The following HECW1 variants were observed in gnomAD, a reference collection of about 807,000 sequenced individuals.
HECW1 encodes the protein E3 ubiquitin-protein ligase HECW1.
Under a neutral mutation model 182.3 loss-of-function variants are expected in HECW1, and 61 were observed. The observed-to-expected ratio is 0.33, with a 90% confidence interval of 0.27 to 0.41. HECW1 has a LOEUF of 0.41. Among genes scored for constraint, HECW1 ranks in the 10% least tolerant of loss-of-function variants. The pLI is 1.00. For missense variants in HECW1, 1,739 were observed against 2,108.9 expected (o/e 0.82, Z 3.44); for synonymous variants, 859 against 832.6 (o/e 1.03, Z -0.55).
chr7:43,459,115 A>G (rs6974565), intron 13 of HECW1, among the ~76,000 whole-genome samples: 87,359 of 151,942 alleles, frequency 0.57, 25,605 homozygotes, highest in South Asian at 0.72. Context: ...AACATATCTC[A>G]TCCTACAGAC....
intron 3 of HECW1, among the ~76,000 whole-genome samples, chr7:43,252,288 G>A (rs1302340680): frequency 2.0e-5 from 3 of 152,126 alleles, no homozygotes; most frequent in Non-Finnish European, 4.4e-5. Context: ...CAGTATCCGT[G>A]TCAGTGAGGA....
chr7:43,459,230 CT>C (rs1449667974), intron 13 of HECW1, among the ~76,000 whole-genome samples: 3 of 152,196 alleles, frequency 2.0e-5, no homozygotes, highest in African/African-American at 7.2e-5. Flanking sequence ...TGTGCCTGTT[CT>C]TACCTTTTTG....
intron 2 of HECW1, among the ~76,000 whole-genome samples, chr7:43,220,827 G>A (rs1358379141): frequency 6.6e-6 from 1 of 152,212 alleles, no homozygotes; most frequent in Non-Finnish European, 1.5e-5. Flanking sequence ...AGGAGAGAAG[G>A]GAGACCAGTT....
chr7:43,550,340 C>G (rs1265977928), intron 26 of HECW1, 105 bp from the exon 27 acceptor site: 2 of 1,212,366 alleles, frequency 1.6e-6, no homozygotes, highest in African/African-American at 3.0e-5. Context: ...TGAATAATGC[C>G]CTGTAGAGGA....
intron 3 of HECW1, among the ~76,000 whole-genome samples, chr7:43,257,688 A>T (rs1409330505): frequency 6.6e-6 from 1 of 152,192 alleles, no homozygotes; most frequent in Non-Finnish European, 1.5e-5. Flanking sequence ...GGTGACCCTC[A>T]ACAGAGTACC....
rs1476570552 is a variant in HECW1 at position 43,500,761 on chromosome 7, C to A, written c.3500C>A (p.Ala1167Glu). The part of the protein sequence containing the change: ...NHGLEKLSCD[A>E]DLVILLSLFE... The stretch of plus-strand genomic sequence containing the variant: ...GGGCTTGAGAAGTTGTCCTGTGATG[C>A]GGATCTGGTCATTTTGCTGAGGTAG... The change falls in exon 20 of 30, where the codon GCG (alanine) becomes GAG (glutamate). Residue 1167 changes from alanine (A) to glutamate (E), a missense_variant. Physicochemically the swap from Ala to Glu is moderately radical, Grantham distance 107. Around this residue, in one of 5 missense-constraint regions of HECW1, gnomAD observed 420 missense variants for 595.7 expected, o/e 0.71. Transcript: ENST00000395891. The A allele has an allele frequency of 1.9e-6, 3 of 1,613,604 alleles. No homozygotes were observed. The highest frequency in any genetic ancestry group is 1.7e-6 in the Non-Finnish European group (2 of 1,179,594).
rs1023437313 is a variant in HECW1, at chr7:43,563,885, A to G, written c.*1959A>G. 11 of 182,498 alleles carry G rather than the reference A, an allele frequency of 6.0e-5. No individual in the cohort carries two copies. In the East Asian group the frequency reaches 9.9e-4, roughly 16 times the overall value. 11.3% of individuals were successfully genotyped at this position (182,498 alleles called of 1,614,324 possible). ...CACCATCTAAAAAAAAAATAAATAAAAATAAAAGCATTTTTTTAGTAGGAA... is the reference window on the plus strand; with the variant it reads ...CACCATCTAAAAAAAAAATAAATAAGAATAAAAGCATTTTTTTAGTAGGAA... On this transcript the variant is annotated 3_prime_UTR_variant, in exon 30 of 30. Coordinates refer to ENST00000395891, the MANE Select transcript of HECW1 (RefSeq NM_015052.5).
intron 26 of HECW1, among the ~76,000 whole-genome samples, chr7:43,546,049 G>A (rs1056969323): frequency 6.6e-6 from 1 of 150,910 alleles, no homozygotes; most frequent in African/African-American, 2.4e-5. Flanking sequence ...GTCTAACATC[G>A]ATTTGTTTTC....
intron 7 of HECW1, among the ~76,000 whole-genome samples, chr7:43,406,607 A>C (rs925839059): frequency 6.6e-6 from 1 of 152,254 alleles, no homozygotes; most frequent in South Asian, 2.1e-4. Context: ...TACTTCAATA[A>C]TAGAAAAGCT....
chr7:43,359,801 T>A (rs1815640994), intron 5 of HECW1, among the ~76,000 whole-genome samples: 1 of 152,224 alleles, frequency 6.6e-6, no homozygotes, highest in Non-Finnish European at 1.5e-5. Flanking sequence ...AAATTGGAGA[T>A]TTCTCATATT....
chr7:43,528,249 A>G (rs149161588), intron 24 of HECW1, among the ~76,000 whole-genome samples: 1 of 152,218 alleles, frequency 6.6e-6, no homozygotes, highest in Non-Finnish European at 1.5e-5. Flanking sequence ...AGGAGAAATC[A>G]TGCTTTAGAG....
chr7:43,348,951 G>A (rs1297644199), intron 5 of HECW1, among the ~76,000 whole-genome samples: 1 of 152,154 alleles, frequency 6.6e-6, no homozygotes, highest in East Asian at 1.9e-4. Flanking sequence ...CTTGGAGAAA[G>A]TTCCATGCAC....
At chr7:43,327,573 T>C (rs1362997503) in intron 5 of HECW1, among the ~76,000 whole-genome samples, 1 of 152,184 alleles carries the variant, frequency 6.6e-6, no homozygotes, top group Non-Finnish European at 1.5e-5. Context: ...AACTTCTCCA[T>C]AAACCTACCT....
At chr7:43,374,228 T>C (rs2074230060) in intron 6 of HECW1, among the ~76,000 whole-genome samples, 1 of 152,254 alleles carries the variant, frequency 6.6e-6, no homozygotes. Flanking sequence ...TTGGCTCCTT[T>C]TGAAATAAAT....
chr7:43,368,208 G>A (rs12533636), intron 6 of HECW1, among the ~76,000 whole-genome samples: 5,520 of 152,270 alleles, frequency 0.036, 114 homozygotes, highest in Middle Eastern at 0.044. Flanking sequence ...AAGAAAACAG[G>A]CAATGACAGA....
At chr7:43,113,207 CAAAG>C (rs1021050596) in intron 1 of HECW1, among the ~76,000 whole-genome samples, 5 of 152,066 alleles carry the variant, frequency 3.3e-5, no homozygotes, top group Non-Finnish European at 5.9e-5. Flanking sequence ...CGGAGAGAAA[CAAAG>C]AAGCCCCCAA....
chr7:43,508,826 T>C, intron 23 of HECW1, 143 bp from the exon 24 acceptor site: 1 of 738,724 alleles, frequency 1.4e-6, no homozygotes, highest in Non-Finnish European at 2.3e-6. Flanking sequence ...ATGCTGCCAT[T>C]GGCATTCACT....
intron 6 of HECW1, 82 bp downstream of exon 6, chr7:43,361,062 G>A (rs1815833448): frequency 3.0e-5 from 8 of 265,952 alleles, no homozygotes; most frequent in East Asian, 2.7e-4. Flanking sequence ...GCGTGCGTGT[G>A]TGTGTGTGTG....
At chr7:43,286,044 T>G (rs571792009) in intron 3 of HECW1, among the ~76,000 whole-genome samples, 69 of 151,718 alleles carry the variant, frequency 4.5e-4, no homozygotes, top group African/African-American at 1.6e-3. Flanking sequence ...ACCACAGAGA[T>G]AGATCAGAGA....
Sources: gnomAD v4.1 joint callset for allele counts (sites outside exome capture counted in the v4.1 genomes callset) on GRCh38, gnomAD v4.1.1 for gene constraint, gnomAD v4.1.1 regional missense constraint, MANE v1.5 for transcripts, NCBI Gene and HGNC (gene_info 2026-07-23, HGNC 2026-07-21) for gene names.